Variants in ADGRB3 observed in about 807,000 individuals in gnomAD.
ADGRB3 encodes adhesion G protein-coupled receptor B3.
In ADGRB3, 37 loss-of-function variants were observed where a neutral mutation model predicts 193.4. The observed-to-expected ratio is 0.19, with a 90% CI of 0.15 to 0.25. ADGRB3 has a LOEUF of 0.25. Ranked by LOEUF, ADGRB3 falls within the 10% of genes least tolerant of loss-of-function variation. ADGRB3 has a pLI of 1.00. For synonymous variants in ADGRB3, 690 were observed against 644.2 expected (o/e 1.07, Z -1.08); for missense variants, 1,637 against 1,852.9 (o/e 0.88, Z 2.14).
At chr6:69,177,298 G>T (rs1290491594) in intron 17 of ADGRB3, among the ~76,000 whole-genome samples, 2 of 151,708 alleles carry the variant, frequency 1.3e-5, no homozygotes, top group South Asian at 2.1e-4. Flanking sequence ...TACTGCTTTT[G>T]CTGTATCCCA....
At chr6:69,031,219 T>A (rs1411787106) in intron 13 of ADGRB3, among the ~76,000 whole-genome samples, 1 of 151,092 alleles carries the variant, frequency 6.6e-6, no homozygotes, top group Admixed American at 6.6e-5. Flanking sequence ...GGCGGGCGGA[T>A]CATGAGGTCA....
intron 3 of ADGRB3, among the ~76,000 whole-genome samples, chr6:68,779,256 G>GTA (rs1766809320): frequency 6.6e-6 from 1 of 151,254 alleles, no homozygotes; most frequent in African/African-American, 2.4e-5. Flanking sequence ...GTGTGTGTGT[G>GTA]TGTGTAACAG....
At chr6:68,776,834 T>G (rs1237092667) in intron 3 of ADGRB3, among the ~76,000 whole-genome samples, 1 of 152,162 alleles carries the variant, frequency 6.6e-6, no homozygotes, top group African/African-American at 2.4e-5. Context: ...TTCTTGAAGA[T>G]TTTTACATGA....
intron 3 of ADGRB3, among the ~76,000 whole-genome samples, chr6:68,674,079 A>G (rs552881091): frequency 2.0e-4 from 30 of 152,282 alleles, no homozygotes; most frequent in African/African-American, 7.0e-4. Flanking sequence ...CCTGGAAAGC[A>G]TCTCACACCT....
chr6:68,772,894 AATATATATATATATATATAT>A (rs1208790675), intron 3 of ADGRB3, among the ~76,000 whole-genome samples: 47 of 22,884 alleles, frequency 2.1e-3, no homozygotes, highest in African/African-American at 6.4e-3. Context: ...AAAAAAAAAA[AATATATATATATATATATAT>A]ATATATATAT....
chr6:68,784,012 G>T (rs1385256426), intron 3 of ADGRB3, among the ~76,000 whole-genome samples: 1 of 152,032 alleles, frequency 6.6e-6, no homozygotes, highest in Non-Finnish European at 1.5e-5. Context: ...TTGAGAGGAA[G>T]ATTTTTCTAT....
chr6:68,912,044 A>C (rs1766727955), intron 3 of ADGRB3, among the ~76,000 whole-genome samples: 1 of 151,918 alleles, frequency 6.6e-6, no homozygotes, highest in African/African-American at 2.4e-5. Context: ...TTCAGTTGTG[A>C]CCTTTTTGAA....
chr6:69,175,735 G>A (rs1464623121), intron 17 of ADGRB3, among the ~76,000 whole-genome samples: 1 of 152,192 alleles, frequency 6.6e-6, no homozygotes, highest in Non-Finnish European at 1.5e-5. Flanking sequence ...AAGCAGTATG[G>A]CCATTATAGT....
At chr6:68,812,606 G>A (rs1351190992) in intron 3 of ADGRB3, among the ~76,000 whole-genome samples, 4 of 152,078 alleles carry the variant, frequency 2.6e-5, no homozygotes, top group African/African-American at 9.7e-5. Context: ...ACAACAGTTT[G>A]ATTTATTAGG....
intron 3 of ADGRB3, among the ~76,000 whole-genome samples, chr6:68,657,969 G>A (rs1768531086): frequency 6.6e-6 from 1 of 151,264 alleles, no homozygotes; most frequent in African/African-American, 2.4e-5. Flanking sequence ...ACCATCTGTA[G>A]TAGATATTTT....
chr6:69,377,064 A>T (rs1222410356), intron 30 of ADGRB3, among the ~76,000 whole-genome samples: 1 of 152,102 alleles, frequency 6.6e-6, no homozygotes, highest in Non-Finnish European at 1.5e-5. Flanking sequence ...ATGCATTGGG[A>T]CTCCAGCCAA....
At chr6:69,368,219 G>A (rs963457074) in intron 29 of ADGRB3, among the ~76,000 whole-genome samples, 5 of 152,062 alleles carry the variant, frequency 3.3e-5, no homozygotes, top group African/African-American at 1.2e-4. Flanking sequence ...CCATAACTTT[G>A]GTTGTTCAGA....
intron 3 of ADGRB3, among the ~76,000 whole-genome samples, chr6:68,859,399 G>T (rs1473459866): frequency 1.3e-5 from 2 of 152,146 alleles, no homozygotes; most frequent in South Asian, 2.1e-4. Flanking sequence ...CACATTTTTG[G>T]GTATCTTTTC....
At chr6:68,807,235 C>CT (rs771342538) in intron 3 of ADGRB3, among the ~76,000 whole-genome samples, 50,665 of 100,344 alleles carry the variant, frequency 0.5, 13,148 homozygotes, top group East Asian at 0.68. Context: ...TTTCTTTTTT[C>CT]TTTTTTTTTT....
At chr6:69,115,394 A>T (rs1328291647) in intron 17 of ADGRB3, among the ~76,000 whole-genome samples, 2 of 152,102 alleles carry the variant, frequency 1.3e-5, no homozygotes, top group Admixed American at 6.5e-5. Context: ...GAGCTGAACA[A>T]TGAGAACACA....
intron 22 of ADGRB3, 33 bp downstream of exon 22, chr6:69,327,922 T>C (rs767623769): frequency 3.0e-5 from 46 of 1,553,056 alleles, no homozygotes; most frequent in African/African-American, 4.1e-5. Flanking sequence ...ATCATGTTTA[T>C]AATTTAACAA....
chr6:69,266,723 A>G (rs1767049264), intron 20 of ADGRB3, among the ~76,000 whole-genome samples: 1 of 152,060 alleles, frequency 6.6e-6, no homozygotes, highest in South Asian at 2.1e-4. Context: ...AAAACAACAA[A>G]CAGAGAGAGA....
chr6:69,128,951 C>G (rs1007169714), intron 17 of ADGRB3, among the ~76,000 whole-genome samples: 1 of 152,100 alleles, frequency 6.6e-6, no homozygotes, highest in Non-Finnish European at 1.5e-5. Context: ...TTCAGGCAAC[C>G]GATAGACCAG....
At chr6:68,726,643 A>G (rs1391760218) in intron 3 of ADGRB3, among the ~76,000 whole-genome samples, 1 of 151,752 alleles carries the variant, frequency 6.6e-6, no homozygotes, top group South Asian at 2.1e-4. Context: ...AAAATAAAGG[A>G]TACAAAATAT....
Sources: allele counts gnomAD v4.1 joint callset (sites outside exome capture counted in the v4.1 genomes callset), GRCh38; gene constraint gnomAD v4.1.1; transcripts MANE v1.5; gene names NCBI Gene and HGNC (gene_info 2026-07-23, HGNC 2026-07-21).